MTHFD1: variants seen among roughly 807,000 people sequenced by gnomAD.
MTHFD1 encodes methylenetetrahydrofolate dehydrogenase, cyclohydrolase and formyltetrahydrofolate synthetase 1.
Under a neutral mutation model 110.3 loss-of-function variants are expected in MTHFD1, and 44 were observed. That is an observed-to-expected ratio of 0.40 (90% CI 0.31 to 0.51). The LOEUF is 0.51. MTHFD1 is among the 20% of genes least tolerant of loss of function. The probability of loss-of-function intolerance (pLI) is 0.60; values close to 1 mark genes in which losing one functional copy is unlikely to be tolerated. For synonymous variants in MTHFD1, 402 were observed against 428.8 expected (o/e 0.94, Z 0.77); for missense variants, 909 against 1,173.1 (o/e 0.77, Z 3.29).
At position 64,449,467 on chromosome 14, in the gene MTHFD1, G is replaced by T; in HGVS notation, c.2302G>T (p.Asp768Tyr). The T allele has an allele frequency of 6.2e-7, 1 of 1,613,698 alleles. No homozygotes were observed. Among genetic ancestry groups the T allele is most frequent in the Non-Finnish European group, 8.5e-7 (1 of 1,180,038 alleles). The change falls in exon 24 of 28, where the codon GAC becomes TAC. Residue 768 changes from aspartate (D) to tyrosine (Y), a missense_variant. Coordinates refer to ENST00000652337, the MANE Select transcript of MTHFD1 (RefSeq NM_005956.4). The stretch of plus-strand genomic sequence containing the variant: ...TAGGACGGATACAGAGTCTGAGCTG[G>T]ACCTCATCAGCCGCCTTTCCAGAGA... ...AFKTDTESEL[D>Y]LISRLSREHG... is the part of the protein sequence containing the mutation.
Position 64,415,413 on chromosome 14 carries a change from T to G in MTHFD1, c.296T>G (p.Val99Gly). The change falls in exon 5 of 28, where the codon GTG becomes GGG. Residue 99 changes from valine (V) to glycine (G), a missense_variant. By Grantham distance (109) the Val-to-Gly change is moderately radical. This residue lies in a region of MTHFD1 where 424 missense variants were observed against 510.4 expected (regional missense o/e 0.83). Transcript: ENST00000652337. ...GACTCTACTGTACATGGGTTCTTAG[T>G]GCAGCTACCTTTAGATTCAGAGAAT... ...NEDSTVHGFL[V>G]QLPLDSENSI... 1 of 1,613,254 alleles carries G rather than the reference T, an allele frequency of 6.2e-7. No individual in the cohort carries two copies. Among genetic ancestry groups the G allele is most frequent in the African/African-American group, 1.3e-5 (1 of 75,034 alleles).
chr14:64,456,472 T>C (rs2078475952), intron 26 of MTHFD1, among the ~76,000 whole-genome samples: 3 of 152,236 alleles, frequency 2.0e-5, no homozygotes, highest in Non-Finnish European at 4.4e-5. Context: ...TTTTTCTGAT[T>C]ATCAGTGACC....
rs572021798 is a variant in MTHFD1 at position 64,399,869 on chromosome 14, G to C, written c.42-924G>C. Among the ~76,000 whole-genome samples the C allele has an allele frequency of 3.3e-5, 5 of 152,106 alleles. No homozygotes were observed. In the South Asian group the frequency reaches 1.0e-3, roughly 32 times the overall value. On this transcript the variant is annotated intron_variant, in intron 1 of 27. Transcript: ENST00000652337. ...TAGCTCACTGCAGCCTCAACCTCCT[G>C]GGCTCCAGCCATCCTCCTGCCGCAG...
intron 1 of MTHFD1, among the ~76,000 whole-genome samples, chr14:64,400,111 G>A (rs1453400971): frequency 3.3e-5 from 5 of 152,188 alleles, no homozygotes; most frequent in African/African-American, 7.2e-5. Context: ...AATACAGGCC[G>A]GGTGCAGTGG....
At chr14:64,397,162 TATATATATATATATATATATATATATATA>T (rs1434775047) in intron 1 of MTHFD1, among the ~76,000 whole-genome samples, 200 of 13,728 alleles carry the variant, frequency 0.015, 7 homozygotes, top group Non-Finnish European at 0.019. Context: ...TATATATATA[TATATATATATATATATATATATATATATA>T]AAAAACAGTA....
chr14:64,437,298 ACT>A (rs1193021216), intron 16 of MTHFD1, among the ~76,000 whole-genome samples: 2 of 151,918 alleles, frequency 1.3e-5, no homozygotes, highest in African/African-American at 4.8e-5. Context: ...AAGATGAAAA[ACT>A]CTGTTCTAAA....
In MTHFD1 at chr14:64,388,482, ATTG is replaced by A. The variant is rs1043517140; in HGVS notation, c.41+21_41+23del. 1.9e-6 allele frequency: 3 copies of A among 1,612,014 alleles called. No individual in the cohort carries two copies. The African/African-American group carries it at 4.0e-5, about 22-fold the overall frequency. ...GGAGATCTCCGCGTAAGCACCTGACATTGTTGTTGAGTGTGGGGCTGTGGACGA... is the reference window on the plus strand; with the variant it reads ...GGAGATCTCCGCGTAAGCACCTGACATTGTTGAGTGTGGGGCTGTGGACGA... On this transcript the variant is annotated intron_variant, in intron 1 of 27. Coordinates refer to ENST00000652337, the MANE Select transcript of MTHFD1 (RefSeq NM_005956.4).
chr14:64,435,134 A>G (rs762086528), intron 15 of MTHFD1, among the ~76,000 whole-genome samples: 1 of 151,468 alleles, frequency 6.6e-6, no homozygotes, highest in Non-Finnish European at 1.5e-5. Flanking sequence ...ATTTTTTAGT[A>G]GAGACAGGGT....
intron 22 of MTHFD1, among the ~76,000 whole-genome samples, chr14:64,447,415 A>G (rs904199435): frequency 1.3e-5 from 2 of 150,726 alleles, no homozygotes; most frequent in South Asian, 4.2e-4. Context: ...CGGCCCCCCA[A>G]AGTGCTGGGA....
chr14:64,455,118 T>A (rs2078447974), intron 26 of MTHFD1: 3 of 496,722 alleles, frequency 6.0e-6, no homozygotes, highest in Non-Finnish European at 1.1e-5. Flanking sequence ...AATAAAAAAT[T>A]CTGTTTCCCA....
At chr14:64,436,700 T>G (rs1596550136) in intron 16 of MTHFD1, among the ~76,000 whole-genome samples, 1 of 152,370 alleles carries the variant, frequency 6.6e-6, no homozygotes, top group East Asian at 1.9e-4. Flanking sequence ...TGGCCTTATT[T>G]AGATGACACT....
chr14:64,401,700 CAA>C lies in MTHFD1; in HGVS notation c.126+836_126+837del, dbSNP rs34004524. Among the ~76,000 whole-genome samples, 5 of 138,710 alleles carry C rather than the reference CAA, an allele frequency of 3.6e-5. No individual in the cohort carries two copies. In the East Asian group the frequency reaches 6.4e-4, roughly 18 times the overall value. 91.0% of individuals were successfully genotyped at this position (138,710 alleles called of 152,430 possible). A position where few individuals can be genotyped will look rare whatever the true frequency, so the allele number is the denominator to read the frequency against. ...CCTGGGCGACAGAGAGATTCCGTCT[CAA>C]AAAAAAAAAAAAGAGAAATTAGGAA... On this transcript the variant is annotated intron_variant, in intron 2 of 27. Coordinates refer to ENST00000652337, the MANE Select transcript of MTHFD1 (RefSeq NM_005956.4).
At chr14:64,409,151 A>G (rs2077962325) in intron 2 of MTHFD1, among the ~76,000 whole-genome samples, 1 of 152,230 alleles carries the variant, frequency 6.6e-6, no homozygotes, top group Admixed American at 6.5e-5. Context: ...TAAAGGAACA[A>G]CAACAGCGAG....
At chr14:64,410,766 G>A (rs1387418780) in intron 2 of MTHFD1, among the ~76,000 whole-genome samples, 1 of 152,078 alleles carries the variant, frequency 6.6e-6, no homozygotes, top group Non-Finnish European at 1.5e-5. Flanking sequence ...TGTTTTTCTG[G>A]TATGGCAGCA....
chr14:64,441,988 T>G, intron 19 of MTHFD1, 66 bp from the exon 20 acceptor site: 1 of 1,029,236 alleles, frequency 9.7e-7, no homozygotes, highest in Non-Finnish European at 1.5e-6. Flanking sequence ...TTCCATACCG[T>G]TGAATGTGTG....
chr14:64,417,046 G>T lies in MTHFD1; in HGVS notation c.479-842G>T, dbSNP rs1028004044. Among the ~76,000 whole-genome samples, 1 of 152,184 alleles carries T rather than the reference G, an allele frequency of 6.6e-6. No individual in the cohort carries two copies. Among genetic ancestry groups the T allele is most frequent in the Non-Finnish European group, 1.5e-5 (1 of 68,036 alleles). ...TTTGAGCAAGGGTCCACTGCCCTCA[G>T]CCTTGACTGCCCTGAGGACTCTGAT... On this transcript the variant is annotated intron_variant, in intron 6 of 27. Coordinates refer to ENST00000652337, the MANE Select transcript of MTHFD1 (RefSeq NM_005956.4). The surrounding 1 kb of genome is among the most constrained non-coding windows in gnomAD (Gnocchi z 4.4).
At chr14:64,423,236 A>G (rs1316410435) in intron 8 of MTHFD1, among the ~76,000 whole-genome samples, 1 of 152,156 alleles carries the variant, frequency 6.6e-6, no homozygotes, top group Non-Finnish European at 1.5e-5. Context: ...TATAAAAAAT[A>G]TCTTACGTAT....
chr14:64,437,282 A>G (rs1052492587), intron 16 of MTHFD1, among the ~76,000 whole-genome samples: 4 of 152,174 alleles, frequency 2.6e-5, no homozygotes, highest in African/African-American at 9.7e-5. Context: ...TGCTTCACCA[A>G]TCTCTAAGAT....
At chr14:64,407,744 C>T (rs556818153) in intron 2 of MTHFD1, among the ~76,000 whole-genome samples, 4 of 151,890 alleles carry the variant, frequency 2.6e-5, no homozygotes, top group East Asian at 3.9e-4. Context: ...GATGGGGTTT[C>T]GATATGTTGC....
Sources: allele counts gnomAD v4.1 joint callset (sites outside exome capture counted in the v4.1 genomes callset), GRCh38; gene constraint gnomAD v4.1.1; regional missense constraint gnomAD v4.1.1; non-coding constraint Gnocchi (gnomAD v3.1); transcripts MANE v1.5; gene names NCBI Gene and HGNC (gene_info 2026-07-23, HGNC 2026-07-21).